Variants in ARHGAP12 observed in about 807,000 individuals in gnomAD.
ARHGAP12 encodes Rho GTPase activating protein 12.
Under a neutral mutation model 108.6 loss-of-function variants are expected in ARHGAP12, and 64 were observed. That is an observed-to-expected ratio of 0.59 (90% CI 0.48 to 0.73). The LOEUF (loss-of-function observed/expected upper bound fraction) is 0.73. ARHGAP12 is among the 30% of genes least tolerant of loss of function. The pLI is 0.00. For missense variants in ARHGAP12, 940 were observed against 1,005.9 expected, an observed-to-expected ratio of 0.93 and a Z score of 0.89; for synonymous variants, 312 against 337.2, an observed-to-expected ratio of 0.93 and a Z score of 0.82.
chr10:31,817,938 C>A (rs775017850), intron 12 of ARHGAP12, 52 bp from the exon 13 acceptor site: 3 of 1,307,820 alleles, frequency 2.3e-6, no homozygotes, highest in Non-Finnish European at 3.3e-6. Flanking sequence ...GTGCTTTCAG[C>A]AAAATACATG....
chr10:31,830,549 T>C, intron 10 of ARHGAP12, among the ~76,000 whole-genome samples: 1 of 152,154 alleles, frequency 6.6e-6, no homozygotes. Context: ...GTAGTATTTA[T>C]AAAGCTATTT....
intron 1 of ARHGAP12, among the ~76,000 whole-genome samples, chr10:31,920,436 T>G (rs1839747687): frequency 2.1e-5 from 2 of 96,688 alleles, no homozygotes; most frequent in African/African-American, 5.1e-5. Flanking sequence ...GGCGACAGAG[T>G]GAGACTCCGT....
intron 6 of ARHGAP12, among the ~76,000 whole-genome samples, chr10:31,848,782 A>G (rs1263832606): frequency 6.6e-6 from 1 of 152,214 alleles, no homozygotes; most frequent in Non-Finnish European, 1.5e-5. Flanking sequence ...TATTAAGAAC[A>G]TTACTTTCGG....
intron 3 of ARHGAP12, among the ~76,000 whole-genome samples, chr10:31,884,938 AATT>A (rs1207067978): frequency 6.6e-6 from 1 of 152,168 alleles, no homozygotes; most frequent in Non-Finnish European, 1.5e-5. Flanking sequence ...AATAAAAATC[AATT>A]ATTTTCTTAT....
chr10:31,858,233 G>C (rs1039666923), intron 4 of ARHGAP12, among the ~76,000 whole-genome samples: 1 of 152,110 alleles, frequency 6.6e-6, no homozygotes, highest in Non-Finnish European at 1.5e-5. Context: ...ATTTATGACA[G>C]AAGAAGAAAA....
intron 3 of ARHGAP12, among the ~76,000 whole-genome samples, chr10:31,890,808 T>C (rs2132399906): frequency 6.6e-6 from 1 of 152,326 alleles, no homozygotes; most frequent in East Asian, 1.9e-4. Context: ...TACCTAATCC[T>C]GAATTAACCA....
chr10:31,911,923 C>T (rs1419042954), intron 1 of ARHGAP12, among the ~76,000 whole-genome samples: 2 of 152,192 alleles, frequency 1.3e-5, no homozygotes, highest in Non-Finnish European at 2.9e-5. Flanking sequence ...ACTATTAATA[C>T]ATAATAACCA....
intron 3 of ARHGAP12, among the ~76,000 whole-genome samples, chr10:31,875,506 G>A (rs1837696359): frequency 6.6e-6 from 1 of 152,136 alleles, no homozygotes; most frequent in Admixed American, 6.6e-5. Flanking sequence ...CAAAGGATTG[G>A]GTAGGGTAGG....
intron 4 of ARHGAP12, among the ~76,000 whole-genome samples, chr10:31,855,396 A>T (rs765335832): frequency 1.1e-4 from 17 of 152,322 alleles, no homozygotes; most frequent in Non-Finnish European, 2.5e-4. Context: ...TAGTTTCGGC[A>T]AGTAAAACTT....
chr10:31,831,544 A>G (rs1592265006), intron 10 of ARHGAP12, among the ~76,000 whole-genome samples, 195 bp downstream of exon 10: 1 of 152,150 alleles, frequency 6.6e-6, no homozygotes, highest in East Asian at 1.9e-4. Context: ...TCTTAACTTA[A>G]TATTACTTAG....
intron 3 of ARHGAP12, among the ~76,000 whole-genome samples, chr10:31,883,620 T>C (rs752700497): frequency 2.3e-4 from 35 of 152,366 alleles, no homozygotes; most frequent in Non-Finnish European, 4.4e-4. Context: ...CTTCTTGTCA[T>C]TCCCATTTTT....
At chr10:31,819,482 C>T (rs1488824395) in intron 12 of ARHGAP12, among the ~76,000 whole-genome samples, 1 of 152,170 alleles carries the variant, frequency 6.6e-6, no homozygotes, top group African/African-American at 2.4e-5. Flanking sequence ...CAATAGGCTG[C>T]CTCTCTTCCC....
intron 12 of ARHGAP12, 123 bp from the exon 13 acceptor site, chr10:31,818,009 A>G (rs1835271779): frequency 1.5e-6 from 1 of 687,278 alleles, no homozygotes; most frequent in South Asian, 1.7e-5. Flanking sequence ...TTATGTAACA[A>G]TGATGCAAGG....
intron 3 of ARHGAP12, among the ~76,000 whole-genome samples, chr10:31,903,619 G>A (rs1208057197): frequency 1.3e-5 from 2 of 152,074 alleles, no homozygotes; most frequent in African/African-American, 4.8e-5. Context: ...CTTCACCAAA[G>A]TTAAAAACTT....
chr10:31,836,850 G>C (rs1836039873), intron 9 of ARHGAP12, among the ~76,000 whole-genome samples: 1 of 152,240 alleles, frequency 6.6e-6, no homozygotes, highest in East Asian at 1.9e-4. Context: ...AGCATGGATG[G>C]AGCATTCAGG....
At chr10:31,865,112 C>A (rs1011432530) in intron 3 of ARHGAP12, among the ~76,000 whole-genome samples, 2 of 152,132 alleles carry the variant, frequency 1.3e-5, no homozygotes, top group African/African-American at 4.8e-5. Context: ...TAAGGAAAAG[C>A]AAGTAACAGC....
In ARHGAP12 at chr10:31,810,712, G is replaced by A. The variant is rs1564363432; in HGVS notation, c.1987C>T (p.Gln663Ter). The change falls in exon 16 of 20, where the codon CAG becomes TAG. Residue 663 changes from glutamine to a stop codon, truncating the protein, a stop_gained. Transcript: ENST00000344936. LOFTEE classifies it high-confidence loss of function. ...TTTGGTACTGTGCCATTCTCTCTCT[G>A]ACACAGATTAGCGAGATTGGATCCA... ...VFGSNLANLC[Q>*]RENGTVPKFV... 1 of 1,609,080 alleles carries A rather than the reference G, an allele frequency of 6.2e-7. No homozygotes were observed. The highest frequency in any genetic ancestry group is 8.5e-7 in the Non-Finnish European group (1 of 1,177,908).
intron 10 of ARHGAP12, among the ~76,000 whole-genome samples, chr10:31,829,246 T>A (rs1024483786): frequency 3.2e-4 from 49 of 152,246 alleles, no homozygotes; most frequent in African/African-American, 1.1e-3. Context: ...ACAAAAGTTA[T>A]ACATATAACA....
chr10:31,859,381 C>T (rs1837023415), intron 4 of ARHGAP12, among the ~76,000 whole-genome samples: 1 of 152,202 alleles, frequency 6.6e-6, no homozygotes, highest in African/African-American at 2.4e-5. Context: ...CAAAATGCCT[C>T]ACAATTGTGA....
Sources: gnomAD v4.1 joint callset for allele counts (sites outside exome capture counted in the v4.1 genomes callset) on GRCh38, gnomAD v4.1.1 for gene constraint, MANE v1.5 for transcripts, NCBI Gene and HGNC (gene_info 2026-07-23, HGNC 2026-07-21) for gene names.